The following SH3RF3 variants were observed in gnomAD, a reference collection of about 807,000 sequenced individuals.
SH3RF3 encodes SH3 domain containing ring finger 3.
In SH3RF3, 29 loss-of-function variants were observed where a neutral mutation model predicts 66.3. The observed-to-expected ratio is 0.44, with a 90% CI of 0.33 to 0.60. The LOEUF (loss-of-function observed/expected upper bound fraction) is 0.60. Ranked by LOEUF, SH3RF3 falls within the 20% of genes least tolerant of loss-of-function variation. SH3RF3 has a pLI of 0.04. For synonymous variants in SH3RF3, 583 were observed against 532.0 expected (o/e 1.10, Z -1.32); for missense variants, 1,194 against 1,190.9 (o/e 1.00, Z -0.04).
intron 1 of SH3RF3, among the ~76,000 whole-genome samples, chr2:109,241,722 C>T (rs56197121): frequency 0.054 from 8,202 of 152,026 alleles, 552 homozygotes; most frequent in African/African-American, 0.16. Flanking sequence ...TCTGTATCTG[C>T]CAGTTTTCTG....
intron 5 of SH3RF3, among the ~76,000 whole-genome samples, chr2:109,422,857 C>T (rs1676918858): frequency 6.6e-6 from 1 of 152,158 alleles, no homozygotes; most frequent in African/African-American, 2.4e-5. Flanking sequence ...AGGGAGAGGG[C>T]ATAGGGCTAC....
At chr2:109,225,435 CACAA>C (rs1679352040) in intron 1 of SH3RF3, among the ~76,000 whole-genome samples, 1 of 152,208 alleles carries the variant, frequency 6.6e-6, no homozygotes, top group Non-Finnish European at 1.5e-5. Flanking sequence ...ACGATTCTCA[CACAA>C]ACAACTCCCT....
At chr2:109,262,367 A>T (rs981271416) in intron 1 of SH3RF3, among the ~76,000 whole-genome samples, 1 of 152,180 alleles carries the variant, frequency 6.6e-6, no homozygotes, top group African/African-American at 2.4e-5. Context: ...GGGGGCAGCC[A>T]TGCTGATTGC....
Position 109,498,527 on chromosome 2 carries a change from C to T in SH3RF3, c.2481-2976C>T, listed in dbSNP as rs1046809567. 1.6e-4 allele frequency among the ~76,000 whole-genome samples: 25 copies of T among 152,312 alleles called. No homozygotes were observed. The South Asian group carries it at 2.5e-3, about 15-fold the overall frequency. On this transcript the variant is annotated intron_variant, in intron 9 of 9. Coordinates refer to ENST00000309415, the MANE Select transcript of SH3RF3 (RefSeq NM_001099289.3). ...TTCTGCGCCCCAGGCTCTGTGAACA[C>T]GTGGGGTGGGGAAGGGCAAAGGCTT...
At chr2:109,164,594 A>G (rs1677572975) in intron 1 of SH3RF3, among the ~76,000 whole-genome samples, 1 of 152,172 alleles carries the variant, frequency 6.6e-6, no homozygotes, top group Non-Finnish European at 1.5e-5. Context: ...TCTAGAACTC[A>G]GCCAGGCAGC....
chr2:109,226,697 C>G (rs1368105601), intron 1 of SH3RF3, among the ~76,000 whole-genome samples: 1 of 152,154 alleles, frequency 6.6e-6, no homozygotes, highest in Admixed American at 6.5e-5. Flanking sequence ...TCCGTTTGCT[C>G]CTAAGTCTTT....
At chr2:109,162,997 C>T (rs906888893) in intron 1 of SH3RF3, among the ~76,000 whole-genome samples, 19 of 152,156 alleles carry the variant, frequency 1.2e-4, no homozygotes, top group African/African-American at 4.6e-4. Flanking sequence ...CTGAGGGACT[C>T]CTTTGATTTG....
chr2:109,214,752 G>A (rs115180162), intron 1 of SH3RF3, among the ~76,000 whole-genome samples: 160 of 152,330 alleles, frequency 1.1e-3, no homozygotes, highest in African/African-American at 3.7e-3. Context: ...TAGCTGTGTG[G>A]CCTTGAGCCT....
At chr2:109,433,044 G>A (rs10166251) in intron 6 of SH3RF3, among the ~76,000 whole-genome samples, 2,434 of 152,294 alleles carry the variant, frequency 0.016, 53 homozygotes, top group African/African-American at 0.054. Context: ...GTGTGTGCAC[G>A]CTTCTGTGTG....
chr2:109,155,428 G>T (rs372657943), intron 1 of SH3RF3, among the ~76,000 whole-genome samples: 1 of 151,894 alleles, frequency 6.6e-6, no homozygotes, highest in African/African-American at 2.4e-5. Flanking sequence ...TCGGCCTCCC[G>T]AGTAGCTGGG....
rs377528691 is a variant in SH3RF3 at position 109,347,572 on chromosome 2, A to G, written c.574-102A>G. The G allele has an allele frequency of 4.1e-6, 6 of 1,468,390 alleles. No homozygotes were observed. The East Asian group carries it at 1.2e-4, about 30-fold the overall frequency. 91.0% of individuals were successfully genotyped at this position (1,468,390 alleles called of 1,614,324 possible). A position where few individuals can be genotyped will look rare whatever the true frequency, so the allele number is the denominator to read the frequency against. ...GGGGCACTCTGTATGCACCCCCAGG[A>G]CACAGAAAGCCCCTGAGAAGCCCCG... On this transcript the variant is annotated intron_variant, in intron 1 of 9. Transcript: ENST00000309415.
At chr2:109,400,226 GCACA>G (rs900360837) in intron 4 of SH3RF3, among the ~76,000 whole-genome samples, 1 of 151,548 alleles carries the variant, frequency 6.6e-6, no homozygotes, top group Non-Finnish European at 1.5e-5. Flanking sequence ...ACACATGCAC[GCACA>G]CACACACATA....
intron 2 of SH3RF3, 90 bp from the exon 3 acceptor site, chr2:109,371,496 G>T: frequency 9.7e-7 from 1 of 1,035,142 alleles, no homozygotes; most frequent in South Asian, 1.4e-5. Flanking sequence ...AATCTCTTCC[G>T]AGCCTCCACA....
intron 1 of SH3RF3, among the ~76,000 whole-genome samples, chr2:109,193,233 A>T (rs1424081066): frequency 6.6e-6 from 1 of 152,230 alleles, no homozygotes; most frequent in Non-Finnish European, 1.5e-5. Flanking sequence ...AGTGAGTGAG[A>T]GAGAAATAGG....
chr2:109,312,603 T>G (rs1574566432), intron 1 of SH3RF3, among the ~76,000 whole-genome samples: 1 of 89,620 alleles, frequency 1.1e-5, no homozygotes, highest in East Asian at 1.7e-3. Flanking sequence ...ACTCTGGAGA[T>G]TTGATATAAG....
chr2:109,235,155 C>T (rs1679614477), intron 1 of SH3RF3, among the ~76,000 whole-genome samples: 1 of 152,164 alleles, frequency 6.6e-6, no homozygotes, highest in South Asian at 2.1e-4. Context: ...CTGTCTGGCC[C>T]ATGGTTTCTA....
chr2:109,381,382 T>G (rs907586814), intron 3 of SH3RF3, among the ~76,000 whole-genome samples: 2 of 152,172 alleles, frequency 1.3e-5, no homozygotes, highest in African/African-American at 4.8e-5. Context: ...CGGGGTTACT[T>G]TTACACCTAA....
intron 1 of SH3RF3, among the ~76,000 whole-genome samples, chr2:109,333,353 T>A (rs887749379): frequency 2.0e-5 from 3 of 152,242 alleles, no homozygotes; most frequent in Non-Finnish European, 2.9e-5. Flanking sequence ...ATCAATGTAA[T>A]GTATTGGTTT....
intron 1 of SH3RF3, among the ~76,000 whole-genome samples, chr2:109,224,481 G>T (rs1679325069): frequency 6.6e-6 from 1 of 152,190 alleles, no homozygotes; most frequent in African/African-American, 2.4e-5. Context: ...TCCTGTGTCT[G>T]CTCTGTTCAG....
Sources: gnomAD v4.1 joint callset for allele counts (sites outside exome capture counted in the v4.1 genomes callset) on GRCh38, gnomAD v4.1.1 for gene constraint, MANE v1.5 for transcripts, NCBI Gene and HGNC (gene_info 2026-07-23, HGNC 2026-07-21) for gene names.